Variants in CDKAL1 observed in about 807,000 individuals in gnomAD.
CDKAL1 encodes the protein CDKAL1 threonylcarbamoyladenosine tRNA methylthiotransferase, also known as threonylcarbamoyladenosine tRNA methylthiotransferase.
A neutral mutation model predicts 68.2 loss-of-function variants in CDKAL1; 32 were observed. The observed-to-expected ratio is 0.47, with a 90% CI of 0.35 to 0.63. The LOEUF is 0.63. Ranked by LOEUF, CDKAL1 falls within the 30% of genes least tolerant of loss-of-function variation. The pLI, the probability that CDKAL1 is intolerant of heterozygous loss-of-function variation, is 0.00. For synonymous variants in CDKAL1, 234 were observed against 244.3 expected, an observed-to-expected ratio of 0.96 and a Z score of 0.39; for missense variants, 606 against 696.7, an observed-to-expected ratio of 0.87 and a Z score of 1.47.
intron 12 of CDKAL1, among the ~76,000 whole-genome samples, chr6:21,105,280 C>T (rs1773790424): frequency 6.6e-6 from 1 of 152,224 alleles, no homozygotes; most frequent in Admixed American, 6.5e-5. Context: ...CTTACTGATA[C>T]ATCTTTGCTC....
chr6:21,161,438 A>C (rs941842901), intron 13 of CDKAL1, among the ~76,000 whole-genome samples: 4 of 152,214 alleles, frequency 2.6e-5, no homozygotes, highest in Non-Finnish European at 5.9e-5. Flanking sequence ...TGCATGCTGT[A>C]GCTCTCTTTT....
chr6:20,816,864 A>G (rs1777068133), intron 8 of CDKAL1, among the ~76,000 whole-genome samples: 1 of 152,148 alleles, frequency 6.6e-6, no homozygotes, highest in Admixed American at 6.6e-5. Context: ...CTCAAGAGTC[A>G]GTAGCTATTC....
At chr6:20,957,796 C>T (rs563999040) in intron 10 of CDKAL1, among the ~76,000 whole-genome samples, 53 of 152,060 alleles carry the variant, frequency 3.5e-4, no homozygotes, top group African/African-American at 1.2e-3. Context: ...CATGGTGAAA[C>T]CCCGTCTCTA....
chr6:20,855,924 C>T (rs893709715), intron 9 of CDKAL1, among the ~76,000 whole-genome samples: 2 of 152,138 alleles, frequency 1.3e-5, no homozygotes, highest in African/African-American at 2.4e-5. Flanking sequence ...ATTCTTTCAG[C>T]GAGACGTTTG....
intron 15 of CDKAL1, among the ~76,000 whole-genome samples, chr6:21,224,495 CAG>C (rs1779657423): frequency 6.6e-6 from 1 of 152,032 alleles, no homozygotes; most frequent in Admixed American, 6.5e-5. Flanking sequence ...GCCTGGGTGA[CAG>C]AGTGAGACTC....
At chr6:21,062,906 T>TTTTG (rs144378685) in intron 11 of CDKAL1, among the ~76,000 whole-genome samples, 7 of 151,256 alleles carry the variant, frequency 4.6e-5, no homozygotes, top group Admixed American at 3.3e-4. Context: ...TAGAACTGTT[T>TTTTG]TTTGTTTGTT....
intron 5 of CDKAL1, among the ~76,000 whole-genome samples, chr6:20,683,503 G>A (rs1203055444): frequency 6.6e-6 from 1 of 152,104 alleles, no homozygotes; most frequent in Non-Finnish European, 1.5e-5. Flanking sequence ...TTCAAAATCG[G>A]AATTAACAAA....
At chr6:20,593,554 T>C (rs1272670282) in intron 4 of CDKAL1, among the ~76,000 whole-genome samples, 1 of 151,932 alleles carries the variant, frequency 6.6e-6, no homozygotes, top group Non-Finnish European at 1.5e-5. Flanking sequence ...ATTCGATTCT[T>C]CTCTCTTTTC....
intron 10 of CDKAL1, among the ~76,000 whole-genome samples, chr6:20,959,412 T>C (rs543964629): frequency 6.6e-6 from 1 of 152,294 alleles, no homozygotes; most frequent in Admixed American, 6.5e-5. Context: ...ATAAACATGC[T>C]TTATGTCACC....
chr6:20,538,509 C>G (rs954276581), intron 2 of CDKAL1, among the ~76,000 whole-genome samples: 2 of 152,182 alleles, frequency 1.3e-5, no homozygotes, highest in Admixed American at 6.5e-5. Flanking sequence ...TTCTCTAACT[C>G]TAATGATATG....
chr6:20,771,536 C>T (rs1355347497), intron 7 of CDKAL1, among the ~76,000 whole-genome samples: 2 of 152,104 alleles, frequency 1.3e-5, no homozygotes, highest in Admixed American at 6.6e-5. Flanking sequence ...GTTGAATTAG[C>T]GCGAGGAGAC....
intron 5 of CDKAL1, among the ~76,000 whole-genome samples, chr6:20,662,697 A>G (rs886739150): frequency 6.6e-6 from 1 of 152,164 alleles, no homozygotes; most frequent in African/African-American, 2.4e-5. Flanking sequence ...TGATAGTTGA[A>G]CAAATGAATG....
chr6:21,176,331 GC>G (rs1271912845), intron 13 of CDKAL1, among the ~76,000 whole-genome samples: 1 of 152,228 alleles, frequency 6.6e-6, no homozygotes, highest in Non-Finnish European at 1.5e-5. Flanking sequence ...GATTGTTTAT[GC>G]GTGTTTAATG....
At position 20,963,412 on chromosome 6, in the gene CDKAL1, C is replaced by T. The variant is rs1765152567; in HGVS notation, c.909+7827C>T. Among the ~76,000 whole-genome samples the T allele has an allele frequency of 2.6e-5, 4 of 152,110 alleles. No homozygotes were observed. In the South Asian group the frequency reaches 8.3e-4, roughly 32 times the overall value. On this transcript the variant is annotated intron_variant, in intron 10 of 15. Transcript: ENST00000274695. ...CTTGTCCAGGCCTCAGCCCCTAATTCCAGCTCTGCCCAAGAAGCCAAAGCT... is the reference window on the plus strand; with the variant it reads ...CTTGTCCAGGCCTCAGCCCCTAATTTCAGCTCTGCCCAAGAAGCCAAAGCT...
At chr6:20,775,548 A>G (rs1034887309) in intron 7 of CDKAL1, among the ~76,000 whole-genome samples, 4 of 152,160 alleles carry the variant, frequency 2.6e-5, no homozygotes, top group Non-Finnish European at 4.4e-5. Flanking sequence ...TTTCAGGACA[A>G]ATTTGCTCCA....
At chr6:20,625,446 C>T (rs1055489379) in intron 4 of CDKAL1, among the ~76,000 whole-genome samples, 3 of 152,112 alleles carry the variant, frequency 2.0e-5, no homozygotes, top group South Asian at 4.1e-4. Context: ...TCATAGTTAC[C>T]GCCTGGGCAG....
At chr6:20,574,253 G>A (rs1175480695) in intron 4 of CDKAL1, among the ~76,000 whole-genome samples, 4 of 152,028 alleles carry the variant, frequency 2.6e-5, no homozygotes, top group Non-Finnish European at 2.9e-5. Flanking sequence ...ATATAATGGG[G>A]CCTATTATTC....
chr6:20,721,085 A>G (rs1461020313), intron 5 of CDKAL1, among the ~76,000 whole-genome samples: 1 of 151,760 alleles, frequency 6.6e-6, no homozygotes, highest in Non-Finnish European at 1.5e-5. Context: ...TACATTAGGT[A>G]TATCTCCTAG....
chr6:20,535,517 C>CTTTA (rs1763134215), intron 2 of CDKAL1, 123 bp downstream of exon 2: 1 of 152,218 alleles, frequency 6.6e-6, no homozygotes, highest in East Asian at 1.9e-4. Flanking sequence ...AAACATTGTG[C>CTTTA]TTTACATAGC....
Sources: allele counts gnomAD v4.1 joint callset (sites outside exome capture counted in the v4.1 genomes callset), GRCh38; gene constraint gnomAD v4.1.1; transcripts MANE v1.5; gene names NCBI Gene and HGNC (gene_info 2026-07-23, HGNC 2026-07-21).